Variants in SLAMF6 observed in about 807,000 individuals in gnomAD.
The protein encoded by SLAMF6 is NK-T-B-antigen.
SLAMF6 carries 21 observed loss-of-function variants against 38.3 expected under a neutral mutation model. The ratio of observed to expected loss-of-function variants is 0.55; its 90% confidence interval spans 0.39 to 0.79. The LOEUF (loss-of-function observed/expected upper bound fraction) is 0.79. Among genes scored for constraint, SLAMF6 ranks in the 30% least tolerant of loss-of-function variants. The pLI is 0.00. For synonymous variants in SLAMF6, 152 were observed against 146.3 expected (o/e 1.04, Z -0.28); for missense variants, 341 against 385.3 (o/e 0.89, Z 0.96).
intron 1 of SLAMF6, among the ~76,000 whole-genome samples, chr1:160,516,429 C>G (rs138411159): frequency 6.6e-6 from 1 of 151,978 alleles, no homozygotes; most frequent in African/African-American, 2.4e-5. Context: ...CCATACTGCC[C>G]GAAGTAATTA....
chr1:160,490,370 A>C (rs1443916564), intron 4 of SLAMF6, 134 bp from the exon 5 acceptor site: 1 of 1,428,364 alleles, frequency 7.0e-7, no homozygotes, highest in Admixed American at 1.9e-5. Context: ...ACAGGGTCCC[A>C]CTTTTCCCAG....
rs752879716 is a variant in SLAMF6 at position 160,496,112 on chromosome 1, T to C, written c.331A>G (p.Ile111Val). 4.3e-6 allele frequency: 7 copies of C among 1,613,868 alleles called. No individual in the cohort carries two copies. In the South Asian group the frequency reaches 7.7e-5, roughly 18 times the overall value. Residue 111 changes from isoleucine (I) to valine (V), a missense_variant, in exon 2 of 8, where the codon ATA becomes GTA. Physicochemically the swap from Ile to Val is conservative, Grantham distance 29. Coordinates refer to ENST00000368057, the MANE Select transcript of SLAMF6 (RefSeq NM_001184714.2). ...MEDTGSYRAQ[I>V]STKTSAKLSS... Reference sequence around the variant, plus strand: ...AGCTTTGCAGAGGTCTTTGTGGATATCTGGGCTCTGTAAGAGCCTGTGTCT... The same window carrying C: ...AGCTTTGCAGAGGTCTTTGTGGATACCTGGGCTCTGTAAGAGCCTGTGTCT...
rs41266905 is a variant in SLAMF6 at position 160,490,199 on chromosome 1, G to C, written c.795C>G (p.Pro265=). ...LSLSTQRTQG[P]AESARNLEYV... ...AGAGTTAAGAGTCTGAATGCTCACCGGGGCCCTGTGTTCGCTGAGTAGACA... is the reference window on the plus strand; with the variant it reads ...AGAGTTAAGAGTCTGAATGCTCACCCGGGCCCTGTGTTCGCTGAGTAGACA... The change falls in exon 5 of 8, where the codon CCC becomes CCG. Residue 265 remains proline (P), a splice_region_variant and synonymous_variant. Coordinates refer to ENST00000368057, the MANE Select transcript of SLAMF6 (RefSeq NM_001184714.2). The C allele has an allele frequency of 1.9e-6, 3 of 1,613,554 alleles. No homozygotes were observed. The highest frequency in any genetic ancestry group is 1.7e-6 in the Non-Finnish European group (2 of 1,179,758).
At chr1:160,491,511 C>T (rs1287564644) in intron 2 of SLAMF6, 123 bp from the exon 3 acceptor site, 1 of 1,385,514 alleles carries the variant, frequency 7.2e-7, no homozygotes, top group Non-Finnish European at 9.7e-7. Flanking sequence ...GGTCTGTAGA[C>T]TCTGTAAATG....
At chr1:160,500,901 G>A (rs947583429) in intron 1 of SLAMF6, among the ~76,000 whole-genome samples, 12 of 152,084 alleles carry the variant, frequency 7.9e-5, no homozygotes, top group South Asian at 2.1e-4. Flanking sequence ...TGCCTGGAAC[G>A]CTTGTTTAAG....
At chr1:160,512,986 A>G (rs988737118) in intron 1 of SLAMF6, among the ~76,000 whole-genome samples, 2 of 152,218 alleles carry the variant, frequency 1.3e-5, no homozygotes, top group African/African-American at 4.8e-5. Flanking sequence ...CCTCTCCAGC[A>G]GGGCACACAA....
At chr1:160,504,054 TA>T (rs1241936220) in intron 1 of SLAMF6, among the ~76,000 whole-genome samples, 1 of 142,294 alleles carries the variant, frequency 7.0e-6, no homozygotes, top group South Asian at 2.3e-4. Flanking sequence ...AAAAAGGAGT[TA>T]AAAAAAGCCA....
intron 4 of SLAMF6, 109 bp from the exon 5 acceptor site, chr1:160,490,345 G>A: frequency 1.3e-6 from 2 of 1,547,276 alleles, no homozygotes; most frequent in Non-Finnish European, 1.8e-6. Context: ...AAAAGGAAGG[G>A]CAAGCAGCCC....
chr1:160,505,936 G>A (rs1654163503), intron 1 of SLAMF6, among the ~76,000 whole-genome samples: 1 of 152,084 alleles, frequency 6.6e-6, no homozygotes, highest in African/African-American at 2.4e-5. Context: ...CTAATTCAAA[G>A]CTAGGTCAAT....
At chr1:160,504,122 A>G (rs765767554) in intron 1 of SLAMF6, among the ~76,000 whole-genome samples, 1 of 152,026 alleles carries the variant, frequency 6.6e-6, no homozygotes, top group Non-Finnish European at 1.5e-5. Context: ...GAGGGAACAG[A>G]GAGGAAATGG....
Position 160,490,633 on chromosome 1 carries a change from C to G in SLAMF6, c.699G>C (p.Gly233=), listed in dbSNP as rs775320661. ...TGATGAAACCGAAGACTATGCATAT[C>G]CCAGAAACCATAAACAGAATCATTT... The part of the protein sequence containing the change: ...DTKMILFMVS[G]ICIVFGFIIL... Residue 233 remains glycine (G), a synonymous_variant, in exon 4 of 8, where the codon GGG becomes GGC. Transcript: ENST00000368057. 3 of 1,613,908 alleles carry G rather than the reference C, an allele frequency of 1.9e-6. No individual in the cohort carries two copies. Among genetic ancestry groups the G allele is most frequent in the Middle Eastern group, 1.7e-4 (1 of 6,058 alleles).
At chr1:160,507,485 G>A (rs183595987) in intron 1 of SLAMF6, among the ~76,000 whole-genome samples, 17 of 152,008 alleles carry the variant, frequency 1.1e-4, no homozygotes, top group African/African-American at 4.1e-4. Flanking sequence ...AAAACAACTA[G>A]AGAGAAGATC....
Position 160,490,447 on chromosome 1 carries a change from C to A in SLAMF6, c.757+128G>T, listed in dbSNP as rs1030470749. 5.1e-6 allele frequency: 7 copies of A among 1,361,754 alleles called. No individual in the cohort carries two copies. In the South Asian group the frequency reaches 9.9e-5, roughly 19 times the overall value. The allele number at this position is 1,361,754 out of a possible 1,614,324, so 84.4% of individuals were successfully genotyped here. A position where few individuals can be genotyped will look rare whatever the true frequency, so the allele number is the denominator to read the frequency against. On this transcript the variant is annotated intron_variant, in intron 4 of 7. Transcript: ENST00000368057. The stretch of plus-strand genomic sequence containing the variant: ...CCCAGGGATTATCTCAGTGGACTAG[C>A]TGAGCCAGGGTTTGCAGCCTCCCTC...
intron 1 of SLAMF6, among the ~76,000 whole-genome samples, chr1:160,513,364 G>C (rs1654585712): frequency 6.6e-6 from 1 of 152,192 alleles, no homozygotes; most frequent in South Asian, 2.1e-4. Context: ...ATGGGATTAT[G>C]TAAAGAGACC....
At chr1:160,500,928 G>T (rs937538940) in intron 1 of SLAMF6, among the ~76,000 whole-genome samples, 6 of 152,112 alleles carry the variant, frequency 3.9e-5, no homozygotes, top group East Asian at 1.9e-4. Flanking sequence ...TGATTTTATA[G>T]ATTGAAATAA....
chr1:160,488,471 C>T (rs556557678), intron 6 of SLAMF6, among the ~76,000 whole-genome samples: 41 of 152,114 alleles, frequency 2.7e-4, no homozygotes, highest in Non-Finnish European at 4.7e-4. Context: ...AGAGATGTGC[C>T]ACCTGCAGGT....
At chr1:160,486,890 A>G (rs1393876056) in intron 7 of SLAMF6, 136 bp from the exon 8 acceptor site, 2 of 1,052,774 alleles carry the variant, frequency 1.9e-6, no homozygotes, top group Non-Finnish European at 2.8e-6. Context: ...GCAGGATTAA[A>G]TTTAAAAACA....
At chr1:160,510,211 T>C (rs898875704) in intron 1 of SLAMF6, among the ~76,000 whole-genome samples, 7 of 151,934 alleles carry the variant, frequency 4.6e-5, no homozygotes, top group East Asian at 1.9e-4. Flanking sequence ...TTCCCAAAAA[T>C]AGAAGAGGAG....
At chr1:160,510,817 TG>T (rs1654434133) in intron 1 of SLAMF6, among the ~76,000 whole-genome samples, 1 of 152,122 alleles carries the variant, frequency 6.6e-6, no homozygotes, top group African/African-American at 2.4e-5. Flanking sequence ...ACAGATAACA[TG>T]ATGTTGAAAA....
Sources: allele counts gnomAD v4.1 joint callset (sites outside exome capture counted in the v4.1 genomes callset), GRCh38; gene constraint gnomAD v4.1.1; transcripts MANE v1.5; gene names NCBI Gene and HGNC (gene_info 2026-07-23, HGNC 2026-07-21).